ANKS1B: variants seen among roughly 807,000 people sequenced by gnomAD.
ANKS1B encodes the protein ankyrin repeat and sterile alpha motif domain containing 1B.
A neutral mutation model predicts 148.3 loss-of-function variants in ANKS1B; 36 were observed. That is an observed-to-expected ratio of 0.24 (90% confidence interval 0.19 to 0.32). ANKS1B has a LOEUF of 0.32. Among genes scored for constraint, ANKS1B ranks in the 10% least tolerant of loss-of-function variants. The pLI is 1.00. For missense variants in ANKS1B, 1,157 were observed against 1,542.6 expected, an observed-to-expected ratio of 0.75 and a Z score of 4.19; for synonymous variants, 542 against 560.8, an observed-to-expected ratio of 0.97 and a Z score of 0.47.
chr12:99,677,535 A>G (rs117819679), intron 8 of ANKS1B, among the ~76,000 whole-genome samples: 2,473 of 152,298 alleles, frequency 0.016, 38 homozygotes, highest in Admixed American at 0.034. Context: ...TAAAACTACT[A>G]GGACTTTGAA....
chr12:98,918,807 T>C (rs1489641380), intron 17 of ANKS1B, among the ~76,000 whole-genome samples: 1 of 152,216 alleles, frequency 6.6e-6, no homozygotes, highest in African/African-American at 2.4e-5. Context: ...TTTTTAATTG[T>C]TTGCATATTT....
intron 12 of ANKS1B, among the ~76,000 whole-genome samples, chr12:99,260,281 T>C (rs1186680097): frequency 1.3e-5 from 2 of 152,220 alleles, no homozygotes; most frequent in Non-Finnish European, 2.9e-5. Context: ...CAGAAACTAT[T>C]TTTAATTACT....
In ANKS1B at chr12:99,314,332, G is replaced by C. The variant is rs544268148; in HGVS notation, c.1757-67468C>G. Among the ~76,000 whole-genome samples, 6 of 152,236 alleles carry C rather than the reference G, an allele frequency of 3.9e-5. No homozygotes were observed. The South Asian group carries it at 1.2e-3, about 32-fold the overall frequency. On this transcript the variant is annotated intron_variant, in intron 12 of 26. Coordinates refer to ENST00000683438, the MANE Select transcript of ANKS1B (RefSeq NM_001352186.2). ...AGGAAAAATCAATATTGTGAAAATG[G>C]CCATACTGCCCAAACTAATTTATAG...
intron 14 of ANKS1B, among the ~76,000 whole-genome samples, chr12:99,194,405 T>C (rs973284314): frequency 4.6e-5 from 7 of 151,870 alleles, no homozygotes; most frequent in Non-Finnish European, 8.8e-5. Flanking sequence ...TCTTACCCCT[T>C]TAGTTTAAAT....
chr12:99,548,407 A>G (rs555376241), intron 9 of ANKS1B, among the ~76,000 whole-genome samples: 1 of 152,290 alleles, frequency 6.6e-6, no homozygotes, highest in South Asian at 2.1e-4. Flanking sequence ...CTCAATAAGT[A>G]TCTGTGGAAA....
At chr12:99,799,473 G>A (rs1420678785) in intron 4 of ANKS1B, among the ~76,000 whole-genome samples, 1 of 152,024 alleles carries the variant, frequency 6.6e-6, no homozygotes, top group Non-Finnish European at 1.5e-5. Flanking sequence ...TCATTTTTAT[G>A]TTGTTTATGT....
intron 8 of ANKS1B, among the ~76,000 whole-genome samples, chr12:99,759,403 T>C (rs537807063): frequency 3.3e-5 from 5 of 152,098 alleles, no homozygotes; most frequent in African/African-American, 1.2e-4. Context: ...TGAATTCCAA[T>C]ATTCTTTAGT....
At chr12:99,344,987 T>A (rs954368300) in intron 12 of ANKS1B, 10 of 152,062 alleles carry the variant, frequency 6.6e-5, no homozygotes, top group African/African-American at 2.4e-4. Context: ...CTAGAACAGA[T>A]GAAACTATTT....
intron 8 of ANKS1B, among the ~76,000 whole-genome samples, chr12:99,706,930 G>T (rs570964317): frequency 4.7e-4 from 71 of 152,140 alleles, no homozygotes; most frequent in African/African-American, 1.6e-3. Flanking sequence ...TTCCCCAGTC[G>T]AGCCACAGAC....
intron 11 of ANKS1B, among the ~76,000 whole-genome samples, chr12:99,427,984 A>G (rs777177339): frequency 6.6e-6 from 1 of 152,242 alleles, no homozygotes; most frequent in Non-Finnish European, 1.5e-5. Flanking sequence ...CAGTGCAAGA[A>G]CATTTATGGA....
At chr12:98,978,488 G>C (rs549170759) in intron 17 of ANKS1B, among the ~76,000 whole-genome samples, 222 of 152,238 alleles carry the variant, frequency 1.5e-3, no homozygotes, top group Admixed American at 2.8e-3. Context: ...AACTGTGTGT[G>C]TGTGCGTGTG....
intron 17 of ANKS1B, among the ~76,000 whole-genome samples, chr12:99,046,821 A>G (rs1246134343): frequency 6.6e-6 from 1 of 151,762 alleles, no homozygotes; most frequent in African/African-American, 2.4e-5. Flanking sequence ...AAAAAAGAAA[A>G]AAAAAAGAAA....
At chr12:98,972,750 T>C (rs561183288) in intron 17 of ANKS1B, among the ~76,000 whole-genome samples, 6 of 152,316 alleles carry the variant, frequency 3.9e-5, no homozygotes, top group African/African-American at 1.2e-4. Context: ...TTCAGTTCTA[T>C]ATAATAGGAA....
At chr12:98,911,627 C>T (rs1310739695) in intron 17 of ANKS1B, among the ~76,000 whole-genome samples, 1 of 152,178 alleles carries the variant, frequency 6.6e-6, no homozygotes, top group Non-Finnish European at 1.5e-5. Context: ...AGTGATAATT[C>T]TCCATAACGC....
chr12:99,865,881 T>G (rs2090675797), intron 1 of ANKS1B, among the ~76,000 whole-genome samples: 1 of 152,090 alleles, frequency 6.6e-6, no homozygotes, highest in Admixed American at 6.5e-5. Flanking sequence ...CTTATTTCAT[T>G]TTAGAGAATT....
intron 9 of ANKS1B, among the ~76,000 whole-genome samples, chr12:99,561,676 C>A (rs1387379175): frequency 6.6e-6 from 1 of 152,166 alleles, no homozygotes; most frequent in Non-Finnish European, 1.5e-5. Flanking sequence ...ATATTGCAGC[C>A]AATCAGTCCC....
exon 10 of ANKS1B, chr12:98,735,295 T>C (rs2097767953): frequency 2.5e-6 from 1 of 400,512 alleles, no homozygotes; most frequent in African/African-American, 2.1e-5. Context: ...TTTTTTTACA[T>C]TATATGTCTC....
chr12:98,980,050 G>T (rs2099906911), intron 17 of ANKS1B, among the ~76,000 whole-genome samples: 2 of 152,032 alleles, frequency 1.3e-5, no homozygotes, highest in African/African-American at 2.4e-5. Flanking sequence ...ACATTTTCAT[G>T]TCAGATATTC....
At chr12:99,745,266 T>C (rs1346189991) in intron 8 of ANKS1B, among the ~76,000 whole-genome samples, 2 of 152,228 alleles carry the variant, frequency 1.3e-5, no homozygotes, top group South Asian at 4.1e-4. Flanking sequence ...AAGACAGAAG[T>C]AACAGTGATG....
Sources: allele counts gnomAD v4.1 joint callset (sites outside exome capture counted in the v4.1 genomes callset), GRCh38; gene constraint gnomAD v4.1.1; transcripts MANE v1.5; gene names NCBI Gene and HGNC (gene_info 2026-07-23, HGNC 2026-07-21).